Variants in GABRG3 observed in about 807,000 individuals in gnomAD.
The protein encoded by GABRG3 is gamma-aminobutyric acid type A receptor subunit gamma3.
A neutral mutation model predicts 48.8 loss-of-function variants in GABRG3; 25 were observed. The ratio of observed to expected loss-of-function variants is 0.51; its 90% CI spans 0.37 to 0.72. The LOEUF (loss-of-function observed/expected upper bound fraction) is 0.72, where lower values mean the gene tolerates loss of function less well. GABRG3 is among the 30% of genes least tolerant of loss of function. The probability of loss-of-function intolerance (pLI) is 0.00; values close to 1 mark genes in which losing one functional copy is unlikely to be tolerated. For missense variants in GABRG3, 394 were observed against 577.9 expected, an observed-to-expected ratio of 0.68 and a Z score of 3.26; for synonymous variants, 227 against 217.6, an observed-to-expected ratio of 1.04 and a Z score of -0.38.
intron 3 of GABRG3, among the ~76,000 whole-genome samples, chr15:27,156,265 C>A (rs926319064): frequency 5.3e-5 from 7 of 133,238 alleles, no homozygotes; most frequent in Non-Finnish European, 9.2e-5. Context: ...AGCCACTGCA[C>A]TCCAGCCTGA....
chr15:27,278,287 T>C (rs979712651), intron 3 of GABRG3, among the ~76,000 whole-genome samples: 2 of 152,114 alleles, frequency 1.3e-5, no homozygotes, highest in East Asian at 3.9e-4. Context: ...CCTGACCTTG[T>C]GATCCGCCCG....
At chr15:27,336,570 G>A (rs1323046295) in intron 5 of GABRG3, among the ~76,000 whole-genome samples, 1 of 152,226 alleles carries the variant, frequency 6.6e-6, no homozygotes, top group Non-Finnish European at 1.5e-5. Context: ...TACACTGCTG[G>A]TGGGAATGTA....
intron 3 of GABRG3, among the ~76,000 whole-genome samples, chr15:27,280,904 A>G (rs941322941): frequency 5.9e-5 from 9 of 152,156 alleles, no homozygotes; most frequent in African/African-American, 2.2e-4. Flanking sequence ...TTTTCTGTCA[A>G]AGTTGAGAGA....
intron 5 of GABRG3, among the ~76,000 whole-genome samples, chr15:27,383,465 T>C (rs985175432): frequency 6.6e-6 from 1 of 152,242 alleles, no homozygotes; most frequent in African/African-American, 2.4e-5. Context: ...TCAGTGTTCC[T>C]GTCTGAAAAT....
chr15:27,306,274 A>G lies in GABRG3; in HGVS notation c.271-20535A>G, dbSNP rs1056553714. 5.7e-5 allele frequency among the ~76,000 whole-genome samples: 8 copies of G among 139,832 alleles called. 1 individual carries two copies. Among genetic ancestry groups the G allele is most frequent in the Non-Finnish European group, 9.1e-5 (6 of 65,634 alleles). The allele number at this position is 139,832 out of a possible 152,430, so 91.7% of individuals were successfully genotyped here. The stretch of plus-strand genomic sequence containing the variant: ...TAAACATGTCTATATGTAAACATAT[A>G]TAACATAAACATGTCTATATATAAA... On this transcript the variant is annotated intron_variant, in intron 3 of 9. Transcript: ENST00000615808.
chr15:27,212,653 C>T (rs897100367), intron 3 of GABRG3, among the ~76,000 whole-genome samples: 9 of 152,154 alleles, frequency 5.9e-5, no homozygotes, highest in African/African-American at 1.2e-4. Context: ...GTCGTACAAC[C>T]GTCACCACCG....
At chr15:27,506,316 A>G (rs1890759562) in intron 6 of GABRG3, among the ~76,000 whole-genome samples, 1 of 152,204 alleles carries the variant, frequency 6.6e-6, no homozygotes, top group Admixed American at 6.5e-5. Context: ...GCTTTAATTG[A>G]TTATACAAGC....
chr15:27,349,619 G>A (rs192621662), intron 5 of GABRG3, among the ~76,000 whole-genome samples: 6 of 152,286 alleles, frequency 3.9e-5, no homozygotes, highest in East Asian at 3.9e-4. Context: ...GAACATGCTC[G>A]CCAAGCATCT....
intron 3 of GABRG3, among the ~76,000 whole-genome samples, chr15:27,061,278 G>A (rs1350898362): frequency 6.6e-6 from 1 of 152,096 alleles, no homozygotes; most frequent in Non-Finnish European, 1.5e-5. Context: ...TGGTGTCCTT[G>A]CATCACTCGA....
intron 5 of GABRG3, among the ~76,000 whole-genome samples, chr15:27,392,062 G>A (rs762293203): frequency 5.9e-5 from 9 of 152,144 alleles, no homozygotes; most frequent in Non-Finnish European, 1.2e-4. Flanking sequence ...TTTTAGAATA[G>A]TTTCTGGTTT....
At chr15:27,406,639 T>A (rs1887643792) in intron 5 of GABRG3, among the ~76,000 whole-genome samples, 1 of 152,164 alleles carries the variant, frequency 6.6e-6, no homozygotes, top group Non-Finnish European at 1.5e-5. Context: ...CAAGGCACGA[T>A]TAAGAAACTG....
At chr15:27,245,690 G>A (rs1034513434) in intron 3 of GABRG3, among the ~76,000 whole-genome samples, 1 of 151,910 alleles carries the variant, frequency 6.6e-6, no homozygotes, top group African/African-American at 2.4e-5. Flanking sequence ...TGGCCAACAT[G>A]GTGAAACCCT....
At chr15:27,055,197 G>T (rs1595496874) in intron 3 of GABRG3, among the ~76,000 whole-genome samples, 1 of 152,102 alleles carries the variant, frequency 6.6e-6, no homozygotes, top group Non-Finnish European at 1.5e-5. Flanking sequence ...CACCGGAGCA[G>T]CCTGTGATAG....
chr15:27,483,204 A>G (rs538152913), intron 6 of GABRG3: 1 of 152,316 alleles, frequency 6.6e-6, no homozygotes, highest in South Asian at 2.1e-4. Context: ...TCAAGATGGC[A>G]GGCTTGGCAT....
Position 27,540,941 on chromosome 15 carries a change from G to A in GABRG3, c.*8060G>A, listed in dbSNP as rs1000202000. On this transcript the variant is annotated 3_prime_UTR_variant, in exon 10 of 10. Transcript: ENST00000615808. ...GCTGAAACAAGTAGAAAGGAGCGCA[G>A]TTTTCTAGCGATAGCGTATTAGCAC... 6.6e-6 allele frequency: 1 copy of A among 152,240 alleles called. No homozygotes were observed. The highest frequency in any genetic ancestry group is 1.5e-5 in the Non-Finnish European group (1 of 68,054). The allele number at this position is 152,240 out of a possible 1,614,324, so 9.4% of individuals were successfully genotyped here.
intron 5 of GABRG3, among the ~76,000 whole-genome samples, chr15:27,382,464 T>G (rs1406055919): frequency 6.6e-6 from 1 of 152,076 alleles, no homozygotes; most frequent in African/African-American, 2.4e-5. Context: ...AGGCAGAAAA[T>G]ACTCAGAAGA....
chr15:27,532,890 C>A lies in GABRG3; in HGVS notation c.*9C>A. ...GATACCTGTATCTCTAAGTGTTGCT[C>A]AGAGTGAAGAGTGAAGAGCATTTGG... On this transcript the variant is annotated 3_prime_UTR_variant, in exon 10 of 10. Coordinates refer to ENST00000615808, the MANE Select transcript of GABRG3 (RefSeq NM_033223.5). The A allele has an allele frequency of 6.2e-7, 1 of 1,612,012 alleles. No individual in the cohort carries two copies. Among genetic ancestry groups the A allele is most frequent in the South Asian group, 1.1e-5 (1 of 90,778 alleles).
intron 5 of GABRG3, among the ~76,000 whole-genome samples, chr15:27,372,251 A>G (rs905006451): frequency 7.2e-5 from 11 of 152,330 alleles, no homozygotes; most frequent in African/African-American, 2.6e-4. Context: ...AGATGGGGCT[A>G]AAGATAATAC....
intron 6 of GABRG3, among the ~76,000 whole-genome samples, chr15:27,516,116 A>G (rs1459511335): frequency 6.6e-6 from 1 of 151,424 alleles, no homozygotes; most frequent in Non-Finnish European, 1.5e-5. Flanking sequence ...TTCAGAAAAA[A>G]AAAAAAACAC....
Sources: gnomAD v4.1 joint callset for allele counts (sites outside exome capture counted in the v4.1 genomes callset) on GRCh38, gnomAD v4.1.1 for gene constraint, MANE v1.5 for transcripts, NCBI Gene and HGNC (gene_info 2026-07-23, HGNC 2026-07-21) for gene names.